AK5: variants seen among roughly 807,000 people sequenced by gnomAD.
The protein encoded by AK5 is adenylate kinase isoenzyme 5.
AK5 carries 27 observed loss-of-function variants against 69.5 expected under a neutral mutation model. That is an observed-to-expected ratio of 0.39 (90% CI 0.29 to 0.54). The LOEUF is 0.54. Ranked by LOEUF, AK5 falls within the 20% of genes least tolerant of loss-of-function variation. The pLI, the probability that AK5 is intolerant of heterozygous loss-of-function variation, is 0.71. For synonymous variants in AK5, 260 were observed against 244.4 expected (o/e 1.06, Z -0.60); for missense variants, 531 against 700.4 (o/e 0.76, Z 2.73).
intron 8 of AK5, among the ~76,000 whole-genome samples, chr1:77,426,812 A>G (rs1371459564): frequency 6.6e-6 from 1 of 152,214 alleles, no homozygotes; most frequent in Non-Finnish European, 1.5e-5. Flanking sequence ...GTCAAATTAA[A>G]CTAGTATTCA....
At chr1:77,362,143 T>C (rs1388446065) in intron 6 of AK5, among the ~76,000 whole-genome samples, 1 of 152,180 alleles carries the variant, frequency 6.6e-6, no homozygotes, top group Non-Finnish European at 1.5e-5. Flanking sequence ...TTGTTGGATT[T>C]TTTTTCTTTA....
chr1:77,329,561 A>T (rs1365920787), intron 5 of AK5, among the ~76,000 whole-genome samples: 1 of 152,162 alleles, frequency 6.6e-6, no homozygotes, highest in Non-Finnish European at 1.5e-5. Flanking sequence ...GCCTGGCCAT[A>T]TGAATTTGCA....
intron 5 of AK5, among the ~76,000 whole-genome samples, chr1:77,331,009 A>C (rs1661059220): frequency 6.6e-6 from 1 of 152,068 alleles, no homozygotes. Flanking sequence ...CATAGAAATA[A>C]AGTTGATTTT....
At chr1:77,320,103 G>A (rs1660447995) in intron 5 of AK5, among the ~76,000 whole-genome samples, 1 of 152,142 alleles carries the variant, frequency 6.6e-6, no homozygotes, top group Admixed American at 6.5e-5. Context: ...GGAAAGAAAG[G>A]CACCTTTTTC....
At chr1:77,365,077 T>A (rs529749891) in intron 6 of AK5, among the ~76,000 whole-genome samples, 22 of 152,222 alleles carry the variant, frequency 1.4e-4, no homozygotes, top group Non-Finnish European at 2.6e-4. Context: ...CCTGGTGAGA[T>A]GATACTTCAT....
chr1:77,548,502 A>G (rs1240980374), intron 13 of AK5, among the ~76,000 whole-genome samples: 1 of 152,222 alleles, frequency 6.6e-6, no homozygotes, highest in Non-Finnish European at 1.5e-5. Context: ...AACAGGGGAC[A>G]AGATTAGAAA....
intron 2 of AK5, among the ~76,000 whole-genome samples, chr1:77,290,928 G>C (rs1658652629): frequency 6.6e-6 from 1 of 152,160 alleles, no homozygotes; most frequent in African/African-American, 2.4e-5. Flanking sequence ...GGCACTATAG[G>C]AAAATCATAG....
intron 13 of AK5, among the ~76,000 whole-genome samples, chr1:77,541,910 G>A (rs934149162): frequency 6.6e-5 from 10 of 152,194 alleles, no homozygotes; most frequent in African/African-American, 2.4e-4. Context: ...CTGTGGACAG[G>A]CAGCTGGGGT....
At position 77,283,015 on chromosome 1, in the gene AK5, C is replaced by T. The variant is rs1325684354; in HGVS notation, c.60+642C>T. ...GGAAGGGTTGGGCCGCAGGTTTCGC[C>T]AGTGCTCGACAACCCACCTGGAGAT... On this transcript the variant is annotated intron_variant, in intron 1 of 13. Transcript: ENST00000354567. 3 of 985,522 alleles carry T rather than the reference C, an allele frequency of 3.0e-6. No homozygotes were observed. The Admixed American group carries it at 1.8e-4, about 61-fold the overall frequency. The allele number at this position is 985,522 out of a possible 1,614,324, so 61.0% of individuals were successfully genotyped here.
At chr1:77,391,493 G>A (rs1178856664) in intron 6 of AK5, among the ~76,000 whole-genome samples, 13 of 15,984 alleles carry the variant, frequency 8.1e-4, no homozygotes, top group African/African-American at 4.5e-3. Context: ...ATGTGTGTGT[G>A]TGTATATATA....
At chr1:77,289,098 G>T (rs1428497893) in intron 2 of AK5, among the ~76,000 whole-genome samples, 1 of 152,146 alleles carries the variant, frequency 6.6e-6, no homozygotes, top group Non-Finnish European at 1.5e-5. Flanking sequence ...ACCAAGATGA[G>T]TCCCAGGTAT....
At chr1:77,424,701 A>G (rs767107230) in intron 8 of AK5, among the ~76,000 whole-genome samples, 3 of 152,212 alleles carry the variant, frequency 2.0e-5, no homozygotes, top group African/African-American at 4.8e-5. Flanking sequence ...GTATATGACA[A>G]TAGAAACTTT....
At chr1:77,499,221 G>C (rs1289886289) in intron 10 of AK5, among the ~76,000 whole-genome samples, 2 of 152,214 alleles carry the variant, frequency 1.3e-5, no homozygotes, top group African/African-American at 2.4e-5. Flanking sequence ...AGGAGTCTGA[G>C]TGTTTTCTTA....
chr1:77,437,552 T>G (rs962276750), intron 8 of AK5, among the ~76,000 whole-genome samples: 1 of 152,166 alleles, frequency 6.6e-6, no homozygotes. Flanking sequence ...TAAAGCAGTT[T>G]CCACAGCAGT....
intron 8 of AK5, among the ~76,000 whole-genome samples, chr1:77,466,456 AC>A (rs2100686454): frequency 1.3e-5 from 2 of 152,198 alleles, no homozygotes; most frequent in Admixed American, 1.3e-4. Context: ...CTGCCATTGC[AC>A]CCCCAGCCTG....
At chr1:77,342,244 G>T (rs1386464338) in intron 6 of AK5, among the ~76,000 whole-genome samples, 2 of 151,968 alleles carry the variant, frequency 1.3e-5, no homozygotes, top group South Asian at 2.1e-4. Context: ...AAAGAAATTT[G>T]CCCTACAAAC....
At chr1:77,480,296 T>C (rs576534538) in intron 8 of AK5, among the ~76,000 whole-genome samples, 8 of 152,282 alleles carry the variant, frequency 5.3e-5, no homozygotes, top group African/African-American at 1.9e-4. Context: ...CTGGTGAGAG[T>C]TGATGACAGT....
intron 6 of AK5, among the ~76,000 whole-genome samples, chr1:77,355,133 G>A (rs1323565483): frequency 6.6e-6 from 1 of 152,170 alleles, no homozygotes; most frequent in Non-Finnish European, 1.5e-5. Flanking sequence ...ACAACTGAAT[G>A]ATTAATGCAG....
At chr1:77,480,995 G>T (rs1188517852) in intron 8 of AK5, among the ~76,000 whole-genome samples, 6 of 152,218 alleles carry the variant, frequency 3.9e-5, no homozygotes, top group Admixed American at 2.6e-4. Context: ...ACTTCAGCCT[G>T]AGACCATGGT....
Sources: gnomAD v4.1 joint callset for allele counts (sites outside exome capture counted in the v4.1 genomes callset) on GRCh38, gnomAD v4.1.1 for gene constraint, MANE v1.5 for transcripts, NCBI Gene and HGNC (gene_info 2026-07-23, HGNC 2026-07-21) for gene names.